The following ASCC3 variants were observed in gnomAD, a reference collection of about 807,000 sequenced individuals.
ASCC3 encodes ASC-1 complex subunit P200.
A neutral mutation model predicts 256.3 loss-of-function variants in ASCC3; 158 were observed. That is an observed-to-expected ratio of 0.62 (90% CI 0.54 to 0.70). The LOEUF is 0.70. Ranked by LOEUF, ASCC3 falls within the 30% of genes least tolerant of loss-of-function variation. ASCC3 has a pLI of 0.00. For synonymous variants in ASCC3, 948 were observed against 883.4 expected (o/e 1.07, Z -1.30); for missense variants, 2,259 against 2,626.0 (o/e 0.86, Z 3.05).
At chr6:100,706,682 T>C (rs1364081617) in intron 13 of ASCC3, among the ~76,000 whole-genome samples, 1 of 152,050 alleles carries the variant, frequency 6.6e-6, no homozygotes, top group Non-Finnish European at 1.5e-5. Flanking sequence ...AGCTGCCACA[T>C]AGTAAGCTAA....
intron 2 of ASCC3, among the ~76,000 whole-genome samples, chr6:100,865,742 AATG>A (rs1449868939): frequency 2.0e-5 from 3 of 152,126 alleles, no homozygotes; most frequent in Non-Finnish European, 4.4e-5. Flanking sequence ...AATTAAAGTG[AATG>A]ATGTTTTTCA....
chr6:100,829,199 G>C (rs1329894414), intron 4 of ASCC3, among the ~76,000 whole-genome samples: 1 of 152,152 alleles, frequency 6.6e-6, no homozygotes, highest in African/African-American at 2.4e-5. Context: ...GCTGCAGGTG[G>C]AGCTGCCTGC....
intron 11 of ASCC3, among the ~76,000 whole-genome samples, chr6:100,724,068 G>A (rs1227108253): frequency 2.0e-5 from 3 of 146,544 alleles, no homozygotes; most frequent in African/African-American, 7.5e-5. Context: ...CGGAGTCTTA[G>A]AGAACATAAA....
chr6:100,763,579 C>T (rs550336496), intron 10 of ASCC3, among the ~76,000 whole-genome samples: 2 of 152,154 alleles, frequency 1.3e-5, no homozygotes, highest in African/African-American at 4.8e-5. Flanking sequence ...AATTCTCTTA[C>T]CCTGAAGCAG....
Position 100,767,345 on chromosome 6 carries a change from T to G in ASCC3, c.1396A>C (p.Ile466Leu), listed in dbSNP as rs776072067. 1.4e-6 allele frequency: 2 copies of G among 1,468,658 alleles called. No individual in the cohort carries two copies. Among genetic ancestry groups the G allele is most frequent in the South Asian group, 2.3e-5 (2 of 86,208 alleles). The allele number at this position is 1,468,658 out of a possible 1,614,324, so 91.0% of individuals were successfully genotyped here. A position where few individuals can be genotyped will look rare whatever the true frequency, so the allele number is the denominator to read the frequency against. The change falls in exon 9 of 42, where the codon ATC (isoleucine) becomes CTC (leucine). Residue 466 changes from isoleucine (I) to leucine (L), a missense_variant and splice_region_variant. Around this residue, in one of 2 missense-constraint regions of ASCC3, gnomAD observed 1,839 missense variants for 2,206.7 expected, o/e 0.83. Coordinates refer to ENST00000369162, the MANE Select transcript of ASCC3 (RefSeq NM_006828.4). ...KPVYIQDLDE[I>L]GQLAFKGMKR... is the part of the protein sequence containing the mutation. ...ATTCCTTTAAAAGCCAGCTGTCCGATCTAAAAAAAAAAGGCATCACCCATT... is the reference window on the plus strand; with the variant it reads ...ATTCCTTTAAAAGCCAGCTGTCCGAGCTAAAAAAAAAAGGCATCACCCATT...
chr6:100,864,680 C>T (rs1381039586), intron 2 of ASCC3, among the ~76,000 whole-genome samples: 7 of 152,142 alleles, frequency 4.6e-5, no homozygotes, highest in African/African-American at 1.4e-4. Context: ...CAAATATATT[C>T]AAGTCAGCAT....
At chr6:100,675,130 G>GTTTTT (rs562151800) in intron 14 of ASCC3, among the ~76,000 whole-genome samples, 1,999 of 143,694 alleles carry the variant, frequency 0.014, 36 homozygotes, top group African/African-American at 0.049. Context: ...GCAAACAGTT[G>GTTTTT]TTTTTTTTTT....
intron 4 of ASCC3, among the ~76,000 whole-genome samples, chr6:100,824,484 G>A (rs544735377): frequency 6.6e-6 from 1 of 152,154 alleles, no homozygotes; most frequent in Non-Finnish European, 1.5e-5. Flanking sequence ...AGAATATCTT[G>A]ATGTGAATGA....
intron 13 of ASCC3, among the ~76,000 whole-genome samples, chr6:100,709,207 C>G (rs919046067): frequency 2.0e-5 from 3 of 151,920 alleles, no homozygotes; most frequent in Non-Finnish European, 4.4e-5. Flanking sequence ...CCATTTCTGC[C>G]AAAAGTCCAT....
At chr6:100,876,525 T>C (rs894945730) in intron 1 of ASCC3, among the ~76,000 whole-genome samples, 1 of 152,176 alleles carries the variant, frequency 6.6e-6, no homozygotes, top group Non-Finnish European at 1.5e-5. Flanking sequence ...ATTAAGTGCT[T>C]AACTTTAGGC....
At chr6:100,547,608 G>C (rs1346263806) in intron 36 of ASCC3, among the ~76,000 whole-genome samples, 1 of 151,932 alleles carries the variant, frequency 6.6e-6, no homozygotes, top group Admixed American at 6.5e-5. Flanking sequence ...ATATAAATTA[G>C]AATGGCCAAA....
intron 3 of ASCC3, among the ~76,000 whole-genome samples, chr6:100,851,122 AGAATTT>A (rs1772644893): frequency 6.6e-6 from 1 of 152,136 alleles, no homozygotes; most frequent in Admixed American, 6.5e-5. Flanking sequence ...AAATGGAAAC[AGAATTT>A]GAGTAATTAG....
intron 3 of ASCC3, chr6:100,856,300 G>C: frequency 1.6e-6 from 1 of 638,626 alleles, no homozygotes; most frequent in Non-Finnish European, 1.9e-6. Flanking sequence ...ATAAAAATAG[G>C]CATGAGAATG....
At chr6:100,859,156 C>T (rs1773102119) in intron 3 of ASCC3, 1 of 780,054 alleles carries the variant, frequency 1.3e-6, no homozygotes, top group South Asian at 1.3e-5. Flanking sequence ...TCTTCTCATC[C>T]TCCTCTTTTC....
At chr6:100,792,840 T>C (rs924889265) in intron 8 of ASCC3, among the ~76,000 whole-genome samples, 2 of 151,922 alleles carry the variant, frequency 1.3e-5, no homozygotes, top group Non-Finnish European at 2.9e-5. Flanking sequence ...AAACTTTAAC[T>C]TGAGTTGCAT....
chr6:100,675,794 A>T (rs1305493303), intron 14 of ASCC3, among the ~76,000 whole-genome samples: 1 of 152,200 alleles, frequency 6.6e-6, no homozygotes, highest in Non-Finnish European at 1.5e-5. Context: ...TAAATCAGAA[A>T]CATACGGTAA....
At chr6:100,713,146 A>G (rs1778932151) in intron 13 of ASCC3, among the ~76,000 whole-genome samples, 1 of 152,144 alleles carries the variant, frequency 6.6e-6, no homozygotes, top group Non-Finnish European at 1.5e-5. Context: ...TACTTTATTT[A>G]TAATTGCCAA....
intron 13 of ASCC3, among the ~76,000 whole-genome samples, chr6:100,689,255 A>T (rs1777724708): frequency 1.3e-5 from 2 of 152,196 alleles, no homozygotes; most frequent in Non-Finnish European, 2.9e-5. Context: ...AAAAGACACC[A>T]TTTATTGGGT....
At chr6:100,628,936 A>G in intron 27 of ASCC3, 79 bp downstream of exon 27, 1 of 1,247,198 alleles carries the variant, frequency 8.0e-7, no homozygotes, top group Non-Finnish European at 1.1e-6. Context: ...TAAATATTAC[A>G]TGCAAATTAA....
Sources: allele counts gnomAD v4.1 joint callset (sites outside exome capture counted in the v4.1 genomes callset), GRCh38; gene constraint gnomAD v4.1.1; regional missense constraint gnomAD v4.1.1; transcripts MANE v1.5; gene names NCBI Gene and HGNC (gene_info 2026-07-23, HGNC 2026-07-21).